Variants in CDH8 observed in about 807,000 individuals in gnomAD.
CDH8 encodes the protein cadherin 8.
A neutral mutation model predicts 68.1 loss-of-function variants in CDH8; 17 were observed. That is an observed-to-expected ratio of 0.25 (90% confidence interval 0.17 to 0.37). The LOEUF (loss-of-function observed/expected upper bound fraction) is 0.37, where lower values mean the gene tolerates loss of function less well. Ranked by LOEUF, CDH8 falls within the 10% of genes least tolerant of loss-of-function variation. The pLI, the probability that CDH8 is intolerant of heterozygous loss-of-function variation, is 1.00. For synonymous variants in CDH8, 372 were observed against 365.1 expected (o/e 1.02, Z -0.21); for missense variants, 763 against 999.3 (o/e 0.76, Z 3.19).
intron 2 of CDH8, among the ~76,000 whole-genome samples, chr16:61,997,569 A>C (rs571172662): frequency 6.6e-6 from 1 of 152,358 alleles, no homozygotes; most frequent in South Asian, 2.1e-4. Context: ...AATGAGAAAT[A>C]GAATTGTCAG....
intron 2 of CDH8, among the ~76,000 whole-genome samples, chr16:61,947,143 C>A (rs574847959): frequency 6.6e-6 from 1 of 151,892 alleles, no homozygotes; most frequent in Non-Finnish European, 1.5e-5. Flanking sequence ...AACAACTTCA[C>A]CCCATTATTT....
chr16:61,662,234 A>G (rs917874470), intron 10 of CDH8, among the ~76,000 whole-genome samples: 2 of 151,714 alleles, frequency 1.3e-5, no homozygotes, highest in Non-Finnish European at 3.0e-5. Context: ...GTTATTCAAC[A>G]ATCTTCTTTT....
At chr16:61,912,146 T>C (rs1387907661) in intron 2 of CDH8, among the ~76,000 whole-genome samples, 3 of 152,102 alleles carry the variant, frequency 2.0e-5, no homozygotes, top group African/African-American at 7.2e-5. Flanking sequence ...AGTCATCTAC[T>C]ATGAAATTCC....
intron 8 of CDH8, among the ~76,000 whole-genome samples, chr16:61,770,185 G>C (rs1960742576): frequency 1.3e-5 from 2 of 151,894 alleles, no homozygotes; most frequent in South Asian, 4.1e-4. Context: ...AATGAAACAA[G>C]AAATGTAAGT....
chr16:61,914,232 T>G, intron 2 of CDH8, among the ~76,000 whole-genome samples: 1 of 152,204 alleles, frequency 6.6e-6, no homozygotes, highest in African/African-American at 2.4e-5. Context: ...AATAAATTTC[T>G]GTTGCTTAAG....
chr16:61,971,722 C>T (rs1965343637), intron 2 of CDH8, among the ~76,000 whole-genome samples: 1 of 151,614 alleles, frequency 6.6e-6, no homozygotes, highest in Non-Finnish European at 1.5e-5. Flanking sequence ...TGAAATGCCT[C>T]TGTCTTTCCT....
At chr16:61,815,827 G>C (rs1351769370) in intron 7 of CDH8, among the ~76,000 whole-genome samples, 2 of 151,972 alleles carry the variant, frequency 1.3e-5, no homozygotes, top group Non-Finnish European at 2.9e-5. Flanking sequence ...CCTTTCAGAG[G>C]AAATTGAGAA....
chr16:61,798,166 A>T (rs991287649), intron 7 of CDH8, among the ~76,000 whole-genome samples: 3 of 152,222 alleles, frequency 2.0e-5, no homozygotes, highest in African/African-American at 7.2e-5. Context: ...TGAGAATTCT[A>T]AATGTGATGA....
intron 3 of CDH8, among the ~76,000 whole-genome samples, chr16:61,868,757 C>T (rs1415150160): frequency 6.6e-6 from 1 of 152,126 alleles, no homozygotes; most frequent in Non-Finnish European, 1.5e-5. Flanking sequence ...GGGACTCAAT[C>T]TGTAGTGAGA....
intron 4 of CDH8, among the ~76,000 whole-genome samples, chr16:61,841,292 C>G (rs1310827346): frequency 1.3e-5 from 2 of 152,110 alleles, no homozygotes; most frequent in East Asian, 3.9e-4. Context: ...AAACTGTTCT[C>G]CATAGTGGTT....
At chr16:61,754,617 T>A (rs1357254084) in intron 8 of CDH8, among the ~76,000 whole-genome samples, 2 of 152,160 alleles carry the variant, frequency 1.3e-5, no homozygotes, top group Non-Finnish European at 2.9e-5. Context: ...ATATCCATTA[T>A]CTCAAATATT....
chr16:61,649,696 G>T lies in CDH8; in HGVS notation c.*3912C>A, dbSNP rs1230003309. 1 of 152,024 alleles carries T rather than the reference G, an allele frequency of 6.6e-6. No homozygotes were observed. The highest frequency in any genetic ancestry group is 2.4e-5 in the African/African-American group (1 of 41,410). The allele number at this position is 152,024 out of a possible 1,614,324, so 9.4% of individuals were successfully genotyped here. On this transcript the variant is annotated 3_prime_UTR_variant, in exon 12 of 12. Coordinates refer to ENST00000577390, the MANE Select transcript of CDH8 (RefSeq NM_001796.5). The stretch of plus-strand genomic sequence containing the variant: ...CAATCAGAAGGTTATACATTCGTGA[G>T]ATTCCCTGCAAAGCCAGTGATCGCA...
intron 10 of CDH8, among the ~76,000 whole-genome samples, chr16:61,687,273 A>G (rs544434680): frequency 6.6e-6 from 1 of 152,100 alleles, no homozygotes; most frequent in African/African-American, 2.4e-5. Flanking sequence ...TCGGTCACAA[A>G]GTTCATAAAG....
intron 3 of CDH8, among the ~76,000 whole-genome samples, chr16:61,864,640 C>T (rs1963219191): frequency 6.6e-6 from 1 of 152,076 alleles, no homozygotes; most frequent in South Asian, 2.1e-4. Flanking sequence ...CGTGTCTTTG[C>T]AGGGGGAGGA....
chr16:61,768,124 A>G (rs1458570215), intron 8 of CDH8, among the ~76,000 whole-genome samples: 1 of 151,900 alleles, frequency 6.6e-6, no homozygotes, highest in Non-Finnish European at 1.5e-5. Flanking sequence ...TTAAGTAAGC[A>G]TATATTGTTG....
chr16:61,959,586 ATGTG>A (rs932238283), intron 2 of CDH8, among the ~76,000 whole-genome samples: 5 of 149,068 alleles, frequency 3.4e-5, no homozygotes, highest in African/African-American at 1.2e-4. Context: ...ATATAGAGAG[ATGTG>A]TGTGTGTGTA....
intron 7 of CDH8, among the ~76,000 whole-genome samples, chr16:61,791,856 T>C (rs944492757): frequency 2.0e-5 from 3 of 152,176 alleles, no homozygotes; most frequent in Admixed American, 6.6e-5. Context: ...CTATTACTTA[T>C]GTATTGCTGT....
At chr16:61,834,500 G>A (rs1962526137) in intron 4 of CDH8, among the ~76,000 whole-genome samples, 1 of 151,866 alleles carries the variant, frequency 6.6e-6, no homozygotes, top group Admixed American at 6.6e-5. Context: ...TTTCATAATT[G>A]ACATTTGAAG....
chr16:61,867,849 T>A (rs576129703), intron 3 of CDH8, among the ~76,000 whole-genome samples: 1 of 152,278 alleles, frequency 6.6e-6, no homozygotes, highest in South Asian at 2.1e-4. Context: ...TAGGGGCACC[T>A]TTTACTTTTA....
Sources: allele counts gnomAD v4.1 joint callset (sites outside exome capture counted in the v4.1 genomes callset), GRCh38; gene constraint gnomAD v4.1.1; transcripts MANE v1.5; gene names NCBI Gene and HGNC (gene_info 2026-07-23, HGNC 2026-07-21).